The following RIMS2 variants were observed in gnomAD, a reference collection of about 807,000 sequenced individuals.
The protein encoded by RIMS2 is regulating synaptic membrane exocytosis 2, also known as regulating synaptic membrane exocytosis protein 2.
A neutral mutation model predicts 174.4 loss-of-function variants in RIMS2; 59 were observed. The observed-to-expected ratio is 0.34, with a 90% CI of 0.27 to 0.42. The LOEUF is 0.42. RIMS2 is among the 10% of genes least tolerant of loss of function. RIMS2 has a pLI of 1.00. For missense variants in RIMS2, 1,620 were observed against 1,666.3 expected, an observed-to-expected ratio of 0.97 and a Z score of 0.48; for synonymous variants, 606 against 572.5, an observed-to-expected ratio of 1.06 and a Z score of -0.84.
intron 4 of RIMS2, among the ~76,000 whole-genome samples, chr8:103,889,206 A>C (rs938065136): frequency 1.1e-4 from 17 of 151,766 alleles, no homozygotes; most frequent in Non-Finnish European, 2.4e-4. Flanking sequence ...AATTCTTCCT[A>C]ATAGTTAAAG....
chr8:104,247,304 T>A (rs2099340077), intron 20 of RIMS2, among the ~76,000 whole-genome samples: 1 of 152,176 alleles, frequency 6.6e-6, no homozygotes, highest in Non-Finnish European at 1.5e-5. Context: ...GATCAAGGTG[T>A]CTGCAGGTTT....
At chr8:103,963,207 T>C (rs1224886445) in intron 15 of RIMS2, among the ~76,000 whole-genome samples, 1 of 152,134 alleles carries the variant, frequency 6.6e-6, no homozygotes, top group Non-Finnish European at 1.5e-5. Context: ...TAATATATTT[T>C]CTGGGTAAAG....
intron 1 of RIMS2, among the ~76,000 whole-genome samples, chr8:103,571,439 C>G (rs768342967): frequency 2.0e-5 from 3 of 152,148 alleles, no homozygotes; most frequent in Non-Finnish European, 2.9e-5. Flanking sequence ...AACTTATCAA[C>G]TAGGAGTATA....
chr8:104,050,324 C>A (rs1038681340), intron 19 of RIMS2, among the ~76,000 whole-genome samples: 1 of 152,054 alleles, frequency 6.6e-6, no homozygotes, highest in Non-Finnish European at 1.5e-5. Context: ...CATGGAAATT[C>A]TCTTTTTGAG....
Position 104,150,209 on chromosome 8 carries a change from A to AT in RIMS2, c.3335-94699dup, listed in dbSNP as rs535723762. On this transcript the variant is annotated intron_variant, in intron 19 of 23. Coordinates refer to ENST00000504942, the Ensembl canonical transcript of RIMS2. ...CTTCTCTAAAAAATAAAGTCTACTA[A>AT]TTTTTTTTAAATTAGGAACCTAAAA... 3.4e-4 allele frequency among the ~76,000 whole-genome samples: 52 copies of AT among 152,156 alleles called. 1 individual carries two copies. Among genetic ancestry groups the AT allele is most frequent in the African/African-American group, 1.0e-3 (42 of 41,516 alleles).
intron 1 of RIMS2, among the ~76,000 whole-genome samples, chr8:103,620,757 G>A (rs922733228): frequency 1.3e-5 from 2 of 152,082 alleles, no homozygotes; most frequent in Non-Finnish European, 2.9e-5. Flanking sequence ...ATATTAAGTG[G>A]ATTAAATAAT....
chr8:103,690,792 A>C (rs1264529083), intron 1 of RIMS2, among the ~76,000 whole-genome samples: 1 of 152,170 alleles, frequency 6.6e-6, no homozygotes, highest in Non-Finnish European at 1.5e-5. Context: ...ATTTACTATT[A>C]CTAGTGAGTT....
chr8:104,211,198 G>A (rs1587494108), intron 19 of RIMS2, among the ~76,000 whole-genome samples: 1 of 152,146 alleles, frequency 6.6e-6, no homozygotes, highest in Non-Finnish European at 1.5e-5. Flanking sequence ...TCGAGTAGGG[G>A]TGGGAAGAGA....
At chr8:104,131,833 C>T (rs906834140) in intron 19 of RIMS2, among the ~76,000 whole-genome samples, 13 of 152,206 alleles carry the variant, frequency 8.5e-5, no homozygotes, top group African/African-American at 3.1e-4. Context: ...ATATTTCTGG[C>T]AAATACCTTT....
chr8:103,597,225 T>C (rs1183522626), intron 1 of RIMS2, among the ~76,000 whole-genome samples: 1 of 152,172 alleles, frequency 6.6e-6, no homozygotes, highest in Admixed American at 6.6e-5. Context: ...TCTTTAACTA[T>C]AGTGAGTTTT....
At chr8:103,599,079 G>T (rs1291798098) in intron 1 of RIMS2, among the ~76,000 whole-genome samples, 1 of 152,010 alleles carries the variant, frequency 6.6e-6, no homozygotes, top group Non-Finnish European at 1.5e-5. Flanking sequence ...AAAGTTGTCT[G>T]AAAGCCATAT....
At chr8:103,771,362 A>T (rs1448793233) in intron 3 of RIMS2, among the ~76,000 whole-genome samples, 1 of 152,192 alleles carries the variant, frequency 6.6e-6, no homozygotes, top group African/African-American at 2.4e-5. Context: ...CATTTAATTG[A>T]TATTTCTTAC....
rs1242585322 is a variant in RIMS2, at chr8:103,980,543, CAGAG to C, written c.2927+5041_2927+5044del. ...AAAGACTGCTTCTGTTTGAGAAAAACAGAGAGAAAACTAAGGTGACTTTGTCTTG... is the reference window on the plus strand; with the variant it reads ...AAAGACTGCTTCTGTTTGAGAAAAACAGAAAACTAAGGTGACTTTGTCTTG... On this transcript the variant is annotated intron_variant, in intron 16 of 23. Coordinates refer to ENST00000504942, the Ensembl canonical transcript of RIMS2. 1.1e-4 allele frequency among the ~76,000 whole-genome samples: 16 copies of C among 152,188 alleles called. No homozygotes were observed. The South Asian group carries it at 3.3e-3, about 31-fold the overall frequency.
At chr8:103,906,585 T>C (rs527497330) in intron 4 of RIMS2, among the ~76,000 whole-genome samples, 1 of 152,306 alleles carries the variant, frequency 6.6e-6, no homozygotes, top group East Asian at 1.9e-4. Flanking sequence ...GTTTTTGCTT[T>C]AGTTTCAAAT....
At position 103,580,445 on chromosome 8, in the gene RIMS2, A is replaced by ATG. The variant is rs35882328; in HGVS notation, c.176+79407_176+79408dup. Among the ~76,000 whole-genome samples the ATG allele has an allele frequency of 5.1e-3, 765 of 149,746 alleles. 4 individuals are homozygous for ATG. Among genetic ancestry groups the ATG allele is most frequent in the African/African-American group, 0.011 (459 of 40,694 alleles). On this transcript the variant is annotated intron_variant, in intron 1 of 23. Transcript: ENST00000504942. ...GTAAAAACAAAGACTATATGTGTGC[A>ATG]TGTGTGTGTGTGTGTGTGTGTGTGT...
chr8:103,926,666 A>G (rs1290726519), intron 10 of RIMS2, among the ~76,000 whole-genome samples: 1 of 151,562 alleles, frequency 6.6e-6, no homozygotes, highest in Admixed American at 6.6e-5. Context: ...TTAACTATTT[A>G]TGATTTTGAA....
chr8:103,629,958 A>G (rs2095872180), intron 1 of RIMS2, among the ~76,000 whole-genome samples: 1 of 152,044 alleles, frequency 6.6e-6, no homozygotes, highest in Non-Finnish European at 1.5e-5. Context: ...ATGTGTCCTC[A>G]GAGTCCCAGA....
At chr8:103,998,537 A>G (rs954386968) in intron 17 of RIMS2, among the ~76,000 whole-genome samples, 1 of 151,204 alleles carries the variant, frequency 6.6e-6, no homozygotes, top group Non-Finnish European at 1.5e-5. Flanking sequence ...CTACAAATAT[A>G]GAATAACAGT....
chr8:103,918,316 C>T, intron 8 of RIMS2, 125 bp from the exon 12 acceptor site: 1 of 518,234 alleles, frequency 1.9e-6, no homozygotes, highest in Non-Finnish European at 3.4e-6. Flanking sequence ...TATATAATGC[C>T]ACTATTATAC....
Sources: allele counts gnomAD v4.1 joint callset (sites outside exome capture counted in the v4.1 genomes callset), GRCh38; gene constraint gnomAD v4.1.1; transcripts MANE v1.5; gene names NCBI Gene and HGNC (gene_info 2026-07-23, HGNC 2026-07-21).